Variants in ZWILCH observed in about 807,000 individuals in gnomAD.
ZWILCH encodes zwilch kinetochore protein.
ZWILCH carries 74 observed loss-of-function variants against 79.9 expected under a neutral mutation model. That is an observed-to-expected ratio of 0.93 (90% CI 0.77 to 1.12). The LOEUF (loss-of-function observed/expected upper bound fraction) is 1.12. ZWILCH is among the 50% of genes most tolerant of loss of function. ZWILCH has a pLI of 0.00. For missense variants in ZWILCH, 694 were observed against 687.5 expected (o/e 1.01, Z -0.11); for synonymous variants, 241 against 228.2 (o/e 1.06, Z -0.51).
At chr15:66,541,049 A>G (rs4346161) in intron 17 of ZWILCH, among the ~76,000 whole-genome samples, 132,332 of 150,668 alleles carry the variant, frequency 0.88, 58,212 homozygotes, top group East Asian at 0.93. Context: ...AGGCTGAGGC[A>G]GGTGGATCAC....
At chr15:66,514,147 T>C in intron 3 of ZWILCH, 64 bp downstream of exon 3, 8 of 1,113,272 alleles carry the variant, frequency 7.2e-6, no homozygotes, top group Non-Finnish European at 1.0e-5. Context: ...TTCTTGGGAA[T>C]AATCTAACGT....
intron 18 of ZWILCH, 154 bp downstream of exon 18, chr15:66,546,859 G>A: frequency 3.2e-6 from 1 of 313,568 alleles, no homozygotes. Context: ...ATTGAGCAGT[G>A]CAACTCTTTA....
chr15:66,524,763 G>A lies in ZWILCH; in HGVS notation c.819+1015G>A, dbSNP rs1894615350. Among the ~76,000 whole-genome samples, 3 of 152,158 alleles carry A rather than the reference G, an allele frequency of 2.0e-5. No individual in the cohort carries two copies. The South Asian group carries it at 6.2e-4, about 32-fold the overall frequency. ...TTTTTGATACTTTTACTTCCTATGA[G>A]TAAGTATTATTTCTCTGTTTGTATA... On this transcript the variant is annotated intron_variant, in intron 8 of 18. Transcript: ENST00000307897.
At chr15:66,544,621 C>T (rs774418172) in intron 17 of ZWILCH, among the ~76,000 whole-genome samples, 4 of 151,834 alleles carry the variant, frequency 2.6e-5, no homozygotes, top group East Asian at 1.9e-4. Flanking sequence ...ATTACAGGTG[C>T]GAACTACTAC....
chr15:66,528,767 A>C, intron 10 of ZWILCH, 85 bp from the exon 11 acceptor site: 1 of 1,121,364 alleles, frequency 8.9e-7, no homozygotes, highest in Non-Finnish European at 1.3e-6. Flanking sequence ...ATGAATCCAT[A>C]ATTTCTCAGA....
At chr15:66,538,380 T>G (rs1420918181) in intron 16 of ZWILCH, among the ~76,000 whole-genome samples, 2 of 147,388 alleles carry the variant, frequency 1.4e-5, no homozygotes, top group East Asian at 4.3e-4. Context: ...CCTACTTCAG[T>G]AAGCACTTTT....
Position 66,521,395 on chromosome 15 carries a change from T to C in ZWILCH, c.747+190T>C, listed in dbSNP as rs115552614. On this transcript the variant is annotated intron_variant, in intron 7 of 18. Transcript: ENST00000307897. ...GTGAAGGTTTTGTCAGGTGATCTGA[T>C]CTATCAGTTGCCCTCAGCCCTATAA... 2.7e-3 allele frequency among the ~76,000 whole-genome samples: 407 copies of C among 152,314 alleles called. 1 individual carries two copies. The highest frequency in any genetic ancestry group is 9.5e-3 in the African/African-American group (395 of 41,574).
chr15:66,529,592 G>T lies in ZWILCH; in HGVS notation c.1155+19G>T. The T allele has an allele frequency of 6.3e-7, 1 of 1,582,976 alleles. No individual in the cohort carries two copies. The highest frequency in any genetic ancestry group is 8.7e-7 in the Non-Finnish European group (1 of 1,154,112). ...GCCATGGGTAGGTTTAGTAGTGTGTGTCAGATCATTTTCTCAGCAGCATAG... is the reference window on the plus strand; with the variant it reads ...GCCATGGGTAGGTTTAGTAGTGTGTTTCAGATCATTTTCTCAGCAGCATAG... On this transcript the variant is annotated intron_variant, in intron 12 of 18. Coordinates refer to ENST00000307897, the MANE Select transcript of ZWILCH (RefSeq NM_017975.5).
intron 14 of ZWILCH, among the ~76,000 whole-genome samples, chr15:66,535,257 CTT>C (rs1047444674): frequency 6.6e-6 from 1 of 151,960 alleles, no homozygotes; most frequent in Non-Finnish European, 1.5e-5. Flanking sequence ...GCCTGAGGCT[CTT>C]TTTGAGGAAT....
chr15:66,542,225 C>T (rs1032645428), intron 17 of ZWILCH, among the ~76,000 whole-genome samples: 2 of 150,886 alleles, frequency 1.3e-5, no homozygotes, highest in African/African-American at 4.9e-5. Flanking sequence ...CCGAGGTGGG[C>T]GGATCACAAG....
At chr15:66,531,397 AACCCTTCTTAGTTGCTTTGG>A (rs1348225993) in intron 12 of ZWILCH, among the ~76,000 whole-genome samples, 1 of 152,150 alleles carries the variant, frequency 6.6e-6, no homozygotes, top group Non-Finnish European at 1.5e-5. Context: ...GATAAGTTTA[AACCCTTCTTAGTTGCTTTGG>A]ACTTAAACAC....
At position 66,521,032 on chromosome 15, in the gene ZWILCH, T is replaced by C. The variant is rs371746683; in HGVS notation, c.592-18T>C. ...GTGGAAGCACAGCTAAATGATCTGC[T>C]GGGTACACTCTTTTCAGGTAACATC... On this transcript the variant is annotated intron_variant, in intron 6 of 18. Transcript: ENST00000307897. 241 of 1,613,240 alleles carry C rather than the reference T, an allele frequency of 1.5e-4. No homozygotes were observed. Among genetic ancestry groups the C allele is most frequent in the Non-Finnish European group, 1.9e-4 (229 of 1,179,560 alleles).
intron 9 of ZWILCH, 149 bp from the exon 10 acceptor site, chr15:66,527,708 T>A: frequency 1.4e-6 from 1 of 693,670 alleles, no homozygotes; most frequent in South Asian, 1.8e-5. Flanking sequence ...GATGGATATC[T>A]ATTATAATCT....
At chr15:66,541,276 C>T (rs1324951313) in intron 17 of ZWILCH, among the ~76,000 whole-genome samples, 1 of 151,880 alleles carries the variant, frequency 6.6e-6, no homozygotes, top group African/African-American at 2.4e-5. Context: ...CAGAGTGTAA[C>T]CCTGTCTCAG....
intron 7 of ZWILCH, among the ~76,000 whole-genome samples, chr15:66,522,035 T>A (rs900207920): frequency 6.6e-5 from 10 of 151,862 alleles, no homozygotes; most frequent in African/African-American, 2.4e-4. Context: ...CTGTCTCTAC[T>A]AAAAATACAA....
intron 2 of ZWILCH, among the ~76,000 whole-genome samples, chr15:66,513,049 C>T (rs1894126529): frequency 6.6e-6 from 1 of 152,166 alleles, no homozygotes. Context: ...CCCGCCTCAG[C>T]CTCCCAATGT....
chr15:66,521,055 A>T lies in ZWILCH; in HGVS notation c.597A>T (p.Thr199=). Residue 199 remains threonine, a synonymous_variant, in exon 7 of 19, where the codon ACA becomes ACT. Transcript: ENST00000307897. ...GCTGGGTACACTCTTTTCAGGTAACATCCAAAGGCTTTGCCCAGTATGAGC... is the reference window on the plus strand; with the variant it reads ...GCTGGGTACACTCTTTTCAGGTAACTTCCAAAGGCTTTGCCCAGTATGAGC... ...HKKRHHLSTV[T]SKGFAQYELF... The T allele has an allele frequency of 6.2e-7, 1 of 1,614,124 alleles. No homozygotes were observed. The highest frequency in any genetic ancestry group is 8.5e-7 in the Non-Finnish European group (1 of 1,180,000).
At position 66,518,994 on chromosome 15, in the gene ZWILCH, G is replaced by A. The variant is rs751121477; in HGVS notation, c.436G>A (p.Glu146Lys). 3 of 1,614,094 alleles carry A rather than the reference G, an allele frequency of 1.9e-6. No homozygotes were observed. The highest frequency in any genetic ancestry group is 2.5e-6 in the Non-Finnish European group (3 of 1,180,054). The change falls in exon 5 of 19, where the codon GAA (glutamate) becomes AAA (lysine). Residue 146 changes from glutamate to lysine, a missense_variant. Glu to Lys is a moderately conservative substitution (Grantham distance 56). Transcript: ENST00000307897. ...LWVRCDSSDP[E>K]GTCWLGAELI... is the part of the protein sequence containing the mutation. Reference sequence around the variant, plus strand: ...GGTAAGATGTGACAGTTCAGATCCTGAAGGTACTTGTTGGCTAGGAGCTGA... The same window carrying A: ...GGTAAGATGTGACAGTTCAGATCCTAAAGGTACTTGTTGGCTAGGAGCTGA...
chr15:66,508,744 A>G, intron 1 of ZWILCH, 97 bp from the exon 2 acceptor site: 1 of 1,554,318 alleles, frequency 6.4e-7, no homozygotes, highest in Admixed American at 2.0e-5. Context: ...CCTTTCCTAT[A>G]GGTGTCCTGC....
Sources: gnomAD v4.1 joint callset for allele counts (sites outside exome capture counted in the v4.1 genomes callset) on GRCh38, gnomAD v4.1.1 for gene constraint, MANE v1.5 for transcripts, NCBI Gene and HGNC (gene_info 2026-07-23, HGNC 2026-07-21) for gene names.